Variants in ABR observed in about 807,000 individuals in gnomAD.
ABR encodes active breakpoint cluster region-related protein.
A neutral mutation model predicts 107.2 loss-of-function variants in ABR; 35 were observed. The ratio of observed to expected loss-of-function variants is 0.33; its 90% CI spans 0.25 to 0.43. The LOEUF (loss-of-function observed/expected upper bound fraction) is 0.43, where lower values mean the gene tolerates loss of function less well. Ranked by LOEUF, ABR falls within the 20% of genes least tolerant of loss-of-function variation. The pLI is 1.00. For synonymous variants in ABR, 498 were observed against 462.0 expected, an observed-to-expected ratio of 1.08 and a Z score of -1.00; for missense variants, 815 against 1,115.2, an observed-to-expected ratio of 0.73 and a Z score of 3.83.
chr17:1,162,597 C>T (rs182426715), intron 1 of ABR, among the ~76,000 whole-genome samples: 104 of 152,356 alleles, frequency 6.8e-4, no homozygotes, highest in African/African-American at 2.3e-3. Context: ...TCCGTCATAG[C>T]TCTCCCCGCA....
At chr17:1,008,512 A>G (rs1374490710) in intron 21 of ABR, among the ~76,000 whole-genome samples, 1 of 152,252 alleles carries the variant, frequency 6.6e-6, no homozygotes, top group East Asian at 1.9e-4. Flanking sequence ...CCAGGGTGGA[A>G]GCCGAATGAA....
intron 13 of ABR, among the ~76,000 whole-genome samples, chr17:1,056,598 C>T (rs921389335): frequency 6.6e-6 from 1 of 152,166 alleles, no homozygotes; most frequent in Non-Finnish European, 1.5e-5. Flanking sequence ...AAAACCCCCC[C>T]AGACTCCCGG....
intron 1 of ABR, among the ~76,000 whole-genome samples, chr17:1,203,961 G>A (rs1311934165): frequency 3.3e-5 from 5 of 152,184 alleles, no homozygotes; most frequent in Admixed American, 1.3e-4. Context: ...TCCGGACCTC[G>A]GTGCCGGCTT....
intron 4 of ABR, 94 bp from the exon 5 acceptor site, chr17:1,083,721 C>A: frequency 2.9e-6 from 3 of 1,037,804 alleles, no homozygotes; most frequent in Non-Finnish European, 4.5e-6. Flanking sequence ...CGGGAGCTCC[C>A]CTGCACTGAA....
chr17:1,010,906 G>A lies in ABR; in HGVS notation c.2102-43C>T, dbSNP rs1302642331. On this transcript the variant is annotated intron_variant, in intron 19 of 22. Coordinates refer to ENST00000302538, the MANE Select transcript of ABR (RefSeq NM_021962.5). The surrounding 1 kb of genome is among the most constrained non-coding windows in gnomAD (Gnocchi z 4.1). ...AGGTCAGGCAGCCTTAGCTGGGCCA[G>A]CAGCCCCGTTCCACCCCCGACCCAT... 6.2e-7 allele frequency: 1 copy of A among 1,608,834 alleles called. No homozygotes were observed. Among genetic ancestry groups the A allele is most frequent in the Admixed American group, 1.7e-5 (1 of 59,956 alleles).
rs543637139 is a variant in ABR at position 1,138,647 on chromosome 17, C to T, written c.62-13280G>A. Reference sequence around the variant, plus strand: ...CATGCACAACCATGCCTGGCTGATTCGAAAAAGTTTTTGTAGACACAGGGT... The same window carrying T: ...CATGCACAACCATGCCTGGCTGATTTGAAAAAGTTTTTGTAGACACAGGGT... On this transcript the variant is annotated intron_variant, in intron 1 of 22. Transcript: ENST00000302538. Among the ~76,000 whole-genome samples the T allele has an allele frequency of 1.8e-3, 275 of 151,998 alleles. 1 individual carries two copies. The highest frequency in any genetic ancestry group is 6.3e-3 in the African/African-American group (262 of 41,462).
intron 1 of ABR, among the ~76,000 whole-genome samples, chr17:1,224,759 C>T (rs538831677): frequency 3.3e-5 from 5 of 152,154 alleles, no homozygotes; most frequent in Non-Finnish European, 7.3e-5. Context: ...ACTGAAGCCT[C>T]GACCTCCTGG....
intron 1 of ABR, among the ~76,000 whole-genome samples, chr17:1,213,626 CGT>C (rs2042945163): frequency 6.6e-6 from 1 of 151,862 alleles, no homozygotes; most frequent in African/African-American, 2.4e-5. Context: ...CTCCTGACCT[CGT>C]GACTCACCCG....
chr17:1,195,841 C>G (rs112699997), intron 1 of ABR, among the ~76,000 whole-genome samples: 4,244 of 147,786 alleles, frequency 0.029, 327 homozygotes, highest in African/African-American at 0.097. Flanking sequence ...GTGGCTCACG[C>G]CTGTAATCCC....
At chr17:1,073,760 A>G in intron 6 of ABR, 83 bp from the exon 7 acceptor site, 2 of 1,275,392 alleles carry the variant, frequency 1.6e-6, no homozygotes, top group African/African-American at 1.5e-5. Context: ...TCGTCCCCCC[A>G]CCCGCATGCT....
chr17:1,161,863 C>T (rs1167581627), intron 1 of ABR, among the ~76,000 whole-genome samples: 1 of 152,156 alleles, frequency 6.6e-6, no homozygotes, highest in East Asian at 1.9e-4. Flanking sequence ...CCAGAAGTCA[C>T]TCCTTTTACA....
At chr17:1,217,030 A>ATCATCTAAT (rs1426637917) in intron 1 of ABR, among the ~76,000 whole-genome samples, 2 of 152,204 alleles carry the variant, frequency 1.3e-5, no homozygotes, top group African/African-American at 4.8e-5. Context: ...GTGGGGCCAC[A>ATCATCTAAT]GAGCATCATG....
chr17:1,005,102 A>G lies in ABR; in HGVS notation c.*978T>C. 1 of 398,762 alleles carries G rather than the reference A, an allele frequency of 2.5e-6. No individual in the cohort carries two copies. The highest frequency in any genetic ancestry group is 4.4e-6 in the Non-Finnish European group (1 of 226,158). The allele number at this position is 398,762 out of a possible 1,614,324, so 24.7% of individuals were successfully genotyped here. A position where few individuals can be genotyped will look rare whatever the true frequency, so the allele number is the denominator to read the frequency against. On this transcript the variant is annotated 3_prime_UTR_variant, in exon 23 of 23. Transcript: ENST00000302538. ...CCGGGACACCCAGCGTGGCATGTGC[A>G]TTCCTCCCCCGTTCAGCCTGTGGTG...
At chr17:1,110,091 C>T (rs559268981) in intron 2 of ABR, among the ~76,000 whole-genome samples, 1 of 151,314 alleles carries the variant, frequency 6.6e-6, no homozygotes, top group African/African-American at 2.4e-5. Context: ...GGGAGCCATC[C>T]TGCAAGGGGA....
At chr17:1,145,330 C>A (rs2040481901) in intron 1 of ABR, among the ~76,000 whole-genome samples, 1 of 152,192 alleles carries the variant, frequency 6.6e-6, no homozygotes, top group Non-Finnish European at 1.5e-5. Context: ...GAGTTCTAAC[C>A]CTTATTAGAG....
rs148492193 is a variant in ABR at position 1,047,957 on chromosome 17, G to A, written c.1791+2093C>T. On this transcript the variant is annotated intron_variant, in intron 16 of 22. Coordinates refer to ENST00000302538, the MANE Select transcript of ABR (RefSeq NM_021962.5). ...GGGGCTGGCTGCCCGGCACATCCTT[G>A]TAACTCTTCTATTCCACAGCCACCA... Among the ~76,000 whole-genome samples the A allele has an allele frequency of 1.5e-3, 227 of 152,350 alleles. 1 individual carries two copies. The highest frequency in any genetic ancestry group is 3.5e-3 in the South Asian group (17 of 4,832).
At chr17:1,093,785 C>G (rs564206571) in intron 3 of ABR, among the ~76,000 whole-genome samples, 12 of 152,268 alleles carry the variant, frequency 7.9e-5, no homozygotes, top group Non-Finnish European at 1.6e-4. Flanking sequence ...CTCATCTACT[C>G]AGATATATCG....
chr17:1,054,067 G>A (rs918349306), intron 14 of ABR, among the ~76,000 whole-genome samples: 7 of 152,202 alleles, frequency 4.6e-5, no homozygotes, highest in African/African-American at 1.4e-4. Context: ...GGATTCTGCT[G>A]CACCACCTGC....
chr17:1,041,845 TA>T (rs781156220), intron 16 of ABR, among the ~76,000 whole-genome samples: 4 of 152,110 alleles, frequency 2.6e-5, no homozygotes, highest in Non-Finnish European at 5.9e-5. Flanking sequence ...TCGATGCACC[TA>T]AACCACTGAC....
Sources: gnomAD v4.1 joint callset for allele counts (sites outside exome capture counted in the v4.1 genomes callset) on GRCh38, gnomAD v4.1.1 for gene constraint, Gnocchi (gnomAD v3.1) non-coding constraint, MANE v1.5 for transcripts, NCBI Gene and HGNC (gene_info 2026-07-23, HGNC 2026-07-21) for gene names.